The following FGF8 variants were observed in gnomAD, a reference collection of about 807,000 sequenced individuals.
FGF8 encodes androgen-induced growth factor.
A neutral mutation model predicts 29.7 loss-of-function variants in FGF8; 12 were observed. That is an observed-to-expected ratio of 0.40 (90% CI 0.26 to 0.65). The LOEUF is 0.65. Among genes scored for constraint, FGF8 ranks in the 30% least tolerant of loss-of-function variants. FGF8 has a pLI of 0.37. For synonymous variants in FGF8, 157 were observed against 144.4 expected, an observed-to-expected ratio of 1.09 and a Z score of -0.63; for missense variants, 271 against 345.1, an observed-to-expected ratio of 0.79 and a Z score of 1.70.
Position 101,774,488 on chromosome 10 carries a change from G to C in FGF8, c.337+244C>G, listed in dbSNP as rs373605685. Reference sequence around the variant, plus strand: ...TGCAGCTGGGGAGGAGTGTATGAAGGGGGGAGGTGTAAAGGGAGATTCCTA... The same window carrying C: ...TGCAGCTGGGGAGGAGTGTATGAAGCGGGGAGGTGTAAAGGGAGATTCCTA... On this transcript the variant is annotated intron_variant, in intron 4 of 5. Coordinates refer to ENST00000320185, the MANE Select transcript of FGF8 (RefSeq NM_033163.5). Among the ~76,000 whole-genome samples, 41 of 152,290 alleles carry C rather than the reference G, an allele frequency of 2.7e-4. No homozygotes were observed. The South Asian group carries it at 5.0e-3, about 18-fold the overall frequency.
Position 101,775,068 on chromosome 10 carries a change from C to G in FGF8, c.156+62G>C. Reference sequence around the variant, plus strand: ...TGCCAGCCCAGGCCACCATCCCCCACCCACGCAAGTCGGGCAGACCCAGCC... The same window carrying G: ...TGCCAGCCCAGGCCACCATCCCCCAGCCACGCAAGTCGGGCAGACCCAGCC... On this transcript the variant is annotated intron_variant, in intron 3 of 5. Transcript: ENST00000320185. This position sits in a 1 kb window ranked among gnomAD's most constrained non-coding sequence, Gnocchi z 4.6. 6.6e-7 allele frequency: 1 copy of G among 1,511,496 alleles called. No homozygotes were observed. The highest frequency in any genetic ancestry group is 9.0e-7 in the Non-Finnish European group (1 of 1,111,988). 93.6% of individuals were successfully genotyped at this position (1,511,496 alleles called of 1,614,324 possible). A position where few individuals can be genotyped will look rare whatever the true frequency, so the allele number is the denominator to read the frequency against.
intron 4 of FGF8, among the ~76,000 whole-genome samples, chr10:101,773,716 G>A (rs1024181283): frequency 6.6e-6 from 1 of 152,174 alleles, no homozygotes; most frequent in African/African-American, 2.4e-5. Flanking sequence ...AGAGGAGAAA[G>A]TATTCAGGAA....
At chr10:101,779,441 GC>G (rs2065125239), upstream of FGF8, among the ~76,000 whole-genome samples, 1 of 152,246 alleles carries the variant, frequency 6.6e-6, no homozygotes, top group Admixed American at 6.5e-5. This position sits in a 1 kb window ranked among gnomAD's most constrained non-coding sequence, Gnocchi z 5.7. Context: ...GCGCTGAAGG[GC>G]AAAGAAGAGG....
chr10:101,774,696 C>A, intron 4 of FGF8, 36 bp downstream of exon 4: 1 of 1,580,972 alleles, frequency 6.3e-7, no homozygotes, highest in Non-Finnish European at 8.6e-7. Flanking sequence ...GGTCCAGGCG[C>A]CGCGCATCCC....
chr10:101,773,072 T>G (rs2065045295), intron 4 of FGF8, among the ~76,000 whole-genome samples: 1 of 152,182 alleles, frequency 6.6e-6, no homozygotes, highest in Non-Finnish European at 1.5e-5. Flanking sequence ...CTCTCTGCTA[T>G]TCTCCCCGGA....
In FGF8 at chr10:101,771,319, C is replaced by T. The variant is rs1039852563; in HGVS notation, c.444+144G>A. On this transcript the variant is annotated intron_variant, in intron 5 of 5. Transcript: ENST00000320185. This position sits in a 1 kb window ranked among gnomAD's most constrained non-coding sequence, Gnocchi z 5.3. ...GCTTCCTTCTCCCTCACTCCTGCACCCAATCGTGAGGTAACCCCAAGATGG... is the reference window on the plus strand; with the variant it reads ...GCTTCCTTCTCCCTCACTCCTGCACTCAATCGTGAGGTAACCCCAAGATGG... 10 of 693,894 alleles carry T rather than the reference C, an allele frequency of 1.4e-5. No homozygotes were observed. Among genetic ancestry groups the T allele is most frequent in the African/African-American group, 1.1e-4 (6 of 57,084 alleles). The allele number at this position is 693,894 out of a possible 1,614,324, so 43.0% of individuals were successfully genotyped here. A position where few individuals can be genotyped will look rare whatever the true frequency, so the allele number is the denominator to read the frequency against.
chr10:101,775,063 C>T lies in FGF8; in HGVS notation c.156+67G>A. ...CAACATGCCAGCCCAGGCCACCATC[C>T]CCCACCCACGCAAGTCGGGCAGACC... is the stretch of plus-strand genomic sequence containing the variant. On this transcript the variant is annotated intron_variant, in intron 3 of 5. Transcript: ENST00000320185. This position sits in a 1 kb window ranked among gnomAD's most constrained non-coding sequence, Gnocchi z 4.6. 6.6e-7 allele frequency: 1 copy of T among 1,506,222 alleles called. No homozygotes were observed. The highest frequency in any genetic ancestry group is 1.2e-5 in the South Asian group (1 of 83,524). The allele number at this position is 1,506,222 out of a possible 1,614,324, so 93.3% of individuals were successfully genotyped here.
chr10:101,775,363 G>C lies in FGF8; in HGVS notation c.70-147C>G, dbSNP rs1448772272. The C allele has an allele frequency of 9.0e-6, 6 of 663,318 alleles. No individual in the cohort carries two copies. The Admixed American group carries it at 1.1e-4, about 12-fold the overall frequency. 41.1% of individuals were successfully genotyped at this position (663,318 alleles called of 1,614,324 possible). On this transcript the variant is annotated intron_variant, in intron 2 of 5. Coordinates refer to ENST00000320185, the MANE Select transcript of FGF8 (RefSeq NM_033163.5). This position sits in a 1 kb window ranked among gnomAD's most constrained non-coding sequence, Gnocchi z 4.6. ...CAAATCGGCCACAAGCCTCCCCCGA[G>C]GGGCGCTGAGAGGGTCTCTGCTGCA...
chr10:101,775,811 G>C lies in FGF8; in HGVS notation c.33-35C>G. 2 of 1,536,432 alleles carry C rather than the reference G, an allele frequency of 1.3e-6. No homozygotes were observed. Among genetic ancestry groups the C allele is most frequent in the Non-Finnish European group, 1.7e-6 (2 of 1,143,042 alleles). On this transcript the variant is annotated intron_variant, in intron 1 of 5. Coordinates refer to ENST00000320185, the MANE Select transcript of FGF8 (RefSeq NM_033163.5). This position sits in a 1 kb window ranked among gnomAD's most constrained non-coding sequence, Gnocchi z 4.6. ...ACAAAAGCGGGCGGGAGAGAGAGGC[G>C]CGGGTGAGGCGAGGGGCGCGGGGGG...
rs940424846 is a variant in FGF8, at chr10:101,775,031, G to A, written c.156+99C>T. On this transcript the variant is annotated intron_variant, in intron 3 of 5. Transcript: ENST00000320185. This position sits in a 1 kb window ranked among gnomAD's most constrained non-coding sequence, Gnocchi z 4.6. ...CCCAAGCCGCCAGCAGGTGCTGGGG[G>A]TTCCCCCAACATGCCAGCCCAGGCC... 21 of 1,507,038 alleles carry A rather than the reference G, an allele frequency of 1.4e-5. No homozygotes were observed. The highest frequency in any genetic ancestry group is 5.5e-5 in the African/African-American group (4 of 72,848). 93.4% of individuals were successfully genotyped at this position (1,507,038 alleles called of 1,614,324 possible). A position where few individuals can be genotyped will look rare whatever the true frequency, so the allele number is the denominator to read the frequency against.
chr10:101,778,811 T>C (rs2065117129), upstream of FGF8, among the ~76,000 whole-genome samples: 1 of 152,214 alleles, frequency 6.6e-6, no homozygotes, highest in South Asian at 2.1e-4. Context: ...CCTCCCTTGC[T>C]GGCTCGCCCG....
chr10:101,773,383 G>A (rs973993705), intron 4 of FGF8, among the ~76,000 whole-genome samples: 1 of 152,168 alleles, frequency 6.6e-6, no homozygotes, highest in Non-Finnish European at 1.5e-5. Flanking sequence ...TAATTTGGAG[G>A]GACAAAGGGA....
upstream of FGF8, among the ~76,000 whole-genome samples, chr10:101,776,617 T>G (rs988893368): frequency 6.6e-6 from 1 of 151,814 alleles, no homozygotes; most frequent in Non-Finnish European, 1.5e-5. Context: ...CCACCTACTG[T>G]GTGTCCCGCC....
In FGF8 at chr10:101,770,241, A is replaced by G; in HGVS notation, c.*88T>C. 7.7e-7 allele frequency: 1 copy of G among 1,302,250 alleles called. No individual in the cohort carries two copies. The highest frequency in any genetic ancestry group is 1.0e-6 in the Non-Finnish European group (1 of 954,152). 80.7% of individuals were successfully genotyped at this position (1,302,250 alleles called of 1,614,324 possible). The stretch of plus-strand genomic sequence containing the variant: ...CCAGCACCTCCCCAGCCTGCAGAGC[A>G]GCGCACAGCTCATCTTGCTTGAGTT... On this transcript the variant is annotated 3_prime_UTR_variant, in exon 6 of 6. Coordinates refer to ENST00000320185, the MANE Select transcript of FGF8 (RefSeq NM_033163.5).
intron 4 of FGF8, among the ~76,000 whole-genome samples, chr10:101,773,686 T>G (rs894414543): frequency 6.6e-6 from 1 of 152,034 alleles, no homozygotes. Context: ...ACATACTCGA[T>G]CCCCCAAACT....
At chr10:101,770,852 C>A (rs1446935503) in intron 5 of FGF8, among the ~76,000 whole-genome samples, 2 of 152,220 alleles carry the variant, frequency 1.3e-5, no homozygotes, top group African/African-American at 4.8e-5. Flanking sequence ...AGGGGCTGGG[C>A]CCCAACGCAG....
At chr10:101,777,346 C>T (rs1468242880), upstream of FGF8, among the ~76,000 whole-genome samples, 1 of 152,208 alleles carries the variant, frequency 6.6e-6, no homozygotes, top group African/African-American at 2.4e-5. Context: ...ACAACCTCCC[C>T]TTCCCCAGTG....
rs1167692966 is a variant in FGF8 at position 101,775,896 on chromosome 10, C to A, written c.5G>T (p.Gly2Val). 1 of 1,288,370 alleles carries A rather than the reference C, an allele frequency of 7.8e-7. No homozygotes were observed. The highest frequency in any genetic ancestry group is 1.6e-5 in the African/African-American group (1 of 63,668). The allele number at this position is 1,288,370 out of a possible 1,614,324, so 79.8% of individuals were successfully genotyped here. A position where few individuals can be genotyped will look rare whatever the true frequency, so the allele number is the denominator to read the frequency against. Residue 2 changes from glycine (G) to valine (V), a missense_variant, in exon 1 of 6, where the codon GGC (glycine) becomes GTC (valine). Coordinates refer to ENST00000320185, the MANE Select transcript of FGF8 (RefSeq NM_033163.5). This position sits in a 1 kb window ranked among gnomAD's most constrained non-coding sequence, Gnocchi z 4.6. ...GCAGCTCAGCGCGGAGCGGGGGCTG[C>A]CCATGGCGCGCGGCCCCGGGGCACC... is the stretch of plus-strand genomic sequence containing the variant. M[G>V]SPRSALSCLL...
Position 101,773,000 on chromosome 10 carries a change from C to T in FGF8, c.338-1431G>A, listed in dbSNP as rs2065044522. 1.3e-5 allele frequency among the ~76,000 whole-genome samples: 2 copies of T among 152,180 alleles called. No individual in the cohort carries two copies. Among genetic ancestry groups the T allele is most frequent in the African/African-American group, 4.8e-5 (2 of 41,428 alleles). ...CTCTGGGGATTCTGGCCAGATGCGG[C>T]AGGCAGGGATGAAGTAGGTGCCTCT... On this transcript the variant is annotated intron_variant, in intron 4 of 5. Transcript: ENST00000320185. The surrounding 1 kb of genome is among the most constrained non-coding windows in gnomAD (Gnocchi z 4.4).
Sources: allele counts gnomAD v4.1 joint callset (sites outside exome capture counted in the v4.1 genomes callset), GRCh38; gene constraint gnomAD v4.1.1; non-coding constraint Gnocchi (gnomAD v3.1); transcripts MANE v1.5; gene names NCBI Gene and HGNC (gene_info 2026-07-23, HGNC 2026-07-21).